The following ZNF536 variants were observed in gnomAD, a reference collection of about 807,000 sequenced individuals.
ZNF536 encodes the protein zinc finger protein 536.
A neutral mutation model predicts 84.5 loss-of-function variants in ZNF536; 13 were observed. That is an observed-to-expected ratio of 0.15 (90% CI 0.10 to 0.24). The LOEUF is 0.24. Among genes scored for constraint, ZNF536 ranks in the 10% least tolerant of loss-of-function variants. The pLI, the probability that ZNF536 is intolerant of heterozygous loss-of-function variation, is 1.00. For synonymous variants in ZNF536, 811 were observed against 742.5 expected (o/e 1.09, Z -1.50); for missense variants, 1,536 against 1,747.5 (o/e 0.88, Z 2.16).
intron 2 of ZNF536, among the ~76,000 whole-genome samples, chr19:30,287,528 G>A (rs1295818663): frequency 6.6e-6 from 1 of 150,914 alleles, no homozygotes; most frequent in Admixed American, 6.6e-5. Flanking sequence ...ATAGATGGGT[G>A]GTTGGATGGG....
chr19:30,287,672 G>GGATT (rs2045692114), intron 2 of ZNF536, among the ~76,000 whole-genome samples: 1 of 96,274 alleles, frequency 1.0e-5, no homozygotes, highest in African/African-American at 4.6e-5. Context: ...ATGGGTGGGT[G>GGATT]GATGGATGGA....
chr19:30,355,596 C>T (rs771382581), intron 3 of ZNF536, among the ~76,000 whole-genome samples: 1 of 151,966 alleles, frequency 6.6e-6, no homozygotes, highest in African/African-American at 2.4e-5. Context: ...TGCCATTTTT[C>T]CCAGGCTGGT....
At chr19:30,499,166 T>C (rs2054846315) in intron 2 of ZNF536, among the ~76,000 whole-genome samples, 1 of 152,172 alleles carries the variant, frequency 6.6e-6, no homozygotes. Context: ...GAAGAGCTCA[T>C]TTCCAATAAT....
intron 2 of ZNF536, among the ~76,000 whole-genome samples, chr19:30,301,388 G>T (rs956029070): frequency 3.3e-5 from 5 of 152,204 alleles, no homozygotes; most frequent in African/African-American, 7.2e-5. Context: ...TGTTGCTTTA[G>T]CTGTAAAGGG....
At chr19:30,416,333 T>C (rs941874103) in intron 1 of ZNF536, among the ~76,000 whole-genome samples, 1 of 151,726 alleles carries the variant, frequency 6.6e-6, no homozygotes, top group African/African-American at 2.4e-5. Flanking sequence ...TTCTTCTTTG[T>C]TGTGTTTTTA....
chr19:30,603,366 A>T (rs1599953096), intron 1 of ZNF536, among the ~76,000 whole-genome samples: 1 of 152,316 alleles, frequency 6.6e-6, no homozygotes, highest in South Asian at 2.1e-4. Flanking sequence ...AACTTCTGGT[A>T]CCTGGCTTAT....
intron 2 of ZNF536, among the ~76,000 whole-genome samples, chr19:30,452,546 C>T (rs2052654527): frequency 6.6e-6 from 1 of 152,136 alleles, no homozygotes. Context: ...TAGAGAGAGA[C>T]CGTGGGTATA....
chr19:30,289,950 C>G (rs1330800292), intron 2 of ZNF536, among the ~76,000 whole-genome samples: 2 of 152,168 alleles, frequency 1.3e-5, no homozygotes, highest in African/African-American at 4.8e-5. Context: ...ATAGTTACAT[C>G]ACTGTGCAAC....
chr19:30,412,857 G>T (rs567767802), intron 1 of ZNF536, among the ~76,000 whole-genome samples: 2 of 152,062 alleles, frequency 1.3e-5, no homozygotes, highest in South Asian at 4.2e-4. Flanking sequence ...ACATAAAAGT[G>T]ATGAGGCTTT....
intron 1 of ZNF536, among the ~76,000 whole-genome samples, chr19:30,664,589 C>A (rs2050249887): frequency 6.6e-6 from 1 of 152,154 alleles, no homozygotes; most frequent in African/African-American, 2.4e-5. Flanking sequence ...CAAAAATACC[C>A]ACCTACATAG....
intron 2 of ZNF536, among the ~76,000 whole-genome samples, chr19:30,522,267 A>ATGTGTGTGTG (rs138930737): frequency 1.0e-5 from 1 of 95,442 alleles, no homozygotes; most frequent in African/African-American, 3.5e-5. Context: ...ATATACATAT[A>ATGTGTGTGTG]TATATACATA....
At chr19:30,249,769 C>A (rs911020099) in intron 1 of ZNF536, among the ~76,000 whole-genome samples, 1 of 152,204 alleles carries the variant, frequency 6.6e-6, no homozygotes, top group Admixed American at 6.5e-5. Flanking sequence ...TTGCTGTGGC[C>A]AAGCTATTGC....
At chr19:30,477,146 G>A (rs2053883649) in intron 2 of ZNF536, among the ~76,000 whole-genome samples, 1 of 152,136 alleles carries the variant, frequency 6.6e-6, no homozygotes, top group South Asian at 2.1e-4. Flanking sequence ...CCCATCCAAT[G>A]TCAAAGCTCA....
rs35779261 is a variant in ZNF536 at position 30,254,523 on chromosome 19, ATT to A, written c.-190+25865_-190+25866del. 5.2e-3 allele frequency among the ~76,000 whole-genome samples: 625 copies of A among 119,786 alleles called. 1 individual carries two copies. Among genetic ancestry groups the A allele is most frequent in the African/African-American group, 0.017 (581 of 33,306 alleles). 78.6% of individuals were successfully genotyped at this position (119,786 alleles called of 152,430 possible). ...TTGGCATTGGGGTAGAGAACCTTTG[ATT>A]TTTTTTTTTTTTTTAAAGTCTCTTC... On this transcript the variant is annotated intron_variant, in intron 1 of 5. Transcript: ENST00000585628.
At chr19:30,428,086 G>A (rs1291985038) in intron 1 of ZNF536, among the ~76,000 whole-genome samples, 2 of 152,164 alleles carry the variant, frequency 1.3e-5, no homozygotes, top group African/African-American at 2.4e-5. Context: ...TTAACTGCAA[G>A]TGCTCTTAAA....
At chr19:30,388,554 C>T (rs1255491919) in intron 1 of ZNF536, among the ~76,000 whole-genome samples, 1 of 152,262 alleles carries the variant, frequency 6.6e-6, no homozygotes, top group Non-Finnish European at 1.5e-5. Context: ...GAGCCCTCCA[C>T]GATCGCCTCG....
At chr19:30,673,158 C>T (rs1309926929) in intron 1 of ZNF536, among the ~76,000 whole-genome samples, 3 of 152,204 alleles carry the variant, frequency 2.0e-5, no homozygotes, top group Non-Finnish European at 4.4e-5. Context: ...CTCATCTGCA[C>T]TGTCAGCTGT....
chr19:30,427,332 A>G (rs557405632), intron 1 of ZNF536, among the ~76,000 whole-genome samples: 1 of 152,310 alleles, frequency 6.6e-6, no homozygotes, highest in Admixed American at 6.5e-5. Flanking sequence ...GGGAAGAGTG[A>G]TAGGAAGAGA....
chr19:30,712,617 AT>A (rs2052486449), exon 2 of ZNF536: 1 of 152,220 alleles, frequency 6.6e-6, no homozygotes, highest in Admixed American at 6.5e-5. Flanking sequence ...CGGTTTGCAT[AT>A]GCTGTCAAAA....
Sources: gnomAD v4.1 joint callset for allele counts (sites outside exome capture counted in the v4.1 genomes callset) on GRCh38, gnomAD v4.1.1 for gene constraint, MANE v1.5 for transcripts, NCBI Gene and HGNC (gene_info 2026-07-23, HGNC 2026-07-21) for gene names.